The following ADGRL2 variants were observed in gnomAD, a reference collection of about 807,000 sequenced individuals.
ADGRL2 encodes the protein adhesion G protein-coupled receptor L2.
ADGRL2 carries 44 observed loss-of-function variants against 157.4 expected under a neutral mutation model. The ratio of observed to expected loss-of-function variants is 0.28; its 90% CI spans 0.22 to 0.36. ADGRL2 has a LOEUF of 0.36. Ranked by LOEUF, ADGRL2 falls within the 10% of genes least tolerant of loss-of-function variation. The pLI is 1.00. For synonymous variants in ADGRL2, 585 were observed against 624.7 expected (o/e 0.94, Z 0.95); for missense variants, 1,510 against 1,768.9 (o/e 0.85, Z 2.63).
intron 2 of ADGRL2, among the ~76,000 whole-genome samples, chr1:81,765,664 T>A (rs539847284): frequency 4.6e-5 from 7 of 152,156 alleles, no homozygotes; most frequent in African/African-American, 1.7e-4. Flanking sequence ...TCATTTCCAA[T>A]TCTGGTTGTA....
At chr1:81,490,829 T>C (rs552843461) in intron 2 of ADGRL2, among the ~76,000 whole-genome samples, 1 of 152,334 alleles carries the variant, frequency 6.6e-6, no homozygotes, top group South Asian at 2.1e-4. Context: ...TTAAAAGGCA[T>C]GCACAAGAAT....
chr1:81,481,183 A>G (rs546306297), intron 2 of ADGRL2, among the ~76,000 whole-genome samples: 3 of 152,332 alleles, frequency 2.0e-5, no homozygotes, highest in Admixed American at 2.0e-4. Flanking sequence ...ATTGTTTGTG[A>G]AAGTAATGGA....
chr1:81,323,102 C>T (rs994912325), intron 1 of ADGRL2, among the ~76,000 whole-genome samples: 2 of 152,148 alleles, frequency 1.3e-5, no homozygotes, highest in Non-Finnish European at 2.9e-5. Flanking sequence ...AAGTGATCTA[C>T]CCAACTTGGC....
At chr1:81,452,123 A>T (rs2077713987) in intron 2 of ADGRL2, among the ~76,000 whole-genome samples, 1 of 152,098 alleles carries the variant, frequency 6.6e-6, no homozygotes, top group Non-Finnish European at 1.5e-5. Context: ...TCCTGTGAAC[A>T]TACATTGTGT....
At chr1:81,557,478 GAAAGAAGAAAGAAAGA>G (rs1250200568) in intron 2 of ADGRL2, 1 of 74,308 alleles carries the variant, frequency 1.3e-5, no homozygotes, top group Admixed American at 1.6e-4. Flanking sequence ...AAGAAAGAAA[GAAAGAAGAAAGAAAGA>G]AAGAAAGAAA....
intron 1 of ADGRL2, among the ~76,000 whole-genome samples, chr1:81,745,530 A>G (rs1307805385): frequency 6.6e-6 from 1 of 152,184 alleles, no homozygotes; most frequent in Non-Finnish European, 1.5e-5. Flanking sequence ...TAAGGATTAA[A>G]TGGATCAATG....
chr1:81,637,075 C>G (rs1557525763), intron 3 of ADGRL2, among the ~76,000 whole-genome samples: 1 of 152,114 alleles, frequency 6.6e-6, no homozygotes, highest in African/African-American at 2.4e-5. Flanking sequence ...AACTCCTGAC[C>G]TCAAGTGATC....
rs2084380433 is a variant in ADGRL2, at chr1:81,722,844, G to A, written c.-143+23036G>A. 5 of 705,360 alleles carry A rather than the reference G, an allele frequency of 7.1e-6. No homozygotes were observed. In the Admixed American group the frequency reaches 7.8e-5, roughly 11 times the overall value. The allele number at this position is 705,360 out of a possible 1,614,324, so 43.7% of individuals were successfully genotyped here. A position where few individuals can be genotyped will look rare whatever the true frequency, so the allele number is the denominator to read the frequency against. ...GCTCTTTTCCAGGTGGCTTTCCTGGGGGAAATGCCTGGTAATTTTCCCAGA... is the reference window on the plus strand; with the variant it reads ...GCTCTTTTCCAGGTGGCTTTCCTGGAGGAAATGCCTGGTAATTTTCCCAGA... On this transcript the variant is annotated intron_variant, in intron 1 of 20. Coordinates refer to the ADGRL2 transcript ENST00000359929.
chr1:81,492,735 C>T (rs2078659421), intron 2 of ADGRL2, among the ~76,000 whole-genome samples: 1 of 152,154 alleles, frequency 6.6e-6, no homozygotes. Flanking sequence ...AAGTTTTAAA[C>T]AGCAAGGCAT....
chr1:81,428,660 G>A (rs1438840906), intron 1 of ADGRL2, among the ~76,000 whole-genome samples: 1 of 152,172 alleles, frequency 6.6e-6, no homozygotes, highest in Admixed American at 6.5e-5. Flanking sequence ...CTGAGGAACA[G>A]ATGATGGCCT....
intron 1 of ADGRL2, chr1:81,721,883 G>A (rs1449647828): frequency 4.0e-6 from 3 of 750,978 alleles, no homozygotes; most frequent in Non-Finnish European, 7.1e-6. Flanking sequence ...ATAGTAAGAA[G>A]GTGGAGGAAA....
chr1:81,979,685 A>G (rs967355151), intron 17 of ADGRL2, among the ~76,000 whole-genome samples, 184 bp from the exon 18 acceptor site: 17 of 151,806 alleles, frequency 1.1e-4, no homozygotes, highest in African/African-American at 4.1e-4. Flanking sequence ...ATGTCAAATG[A>G]TCTATTAAAG....
chr1:81,939,402 A>G (rs1203069451), intron 4 of ADGRL2, among the ~76,000 whole-genome samples: 1 of 151,566 alleles, frequency 6.6e-6, no homozygotes, highest in Admixed American at 6.6e-5. Context: ...TCCTGCAAGC[A>G]GGATTTGGTT....
intron 2 of ADGRL2, among the ~76,000 whole-genome samples, chr1:81,574,881 A>G (rs942497532): frequency 1.3e-5 from 2 of 152,220 alleles, no homozygotes; most frequent in African/African-American, 4.8e-5. Context: ...GAAACATTAT[A>G]TACTTTTGTC....
At chr1:81,664,036 A>G (rs897732603) in intron 3 of ADGRL2, among the ~76,000 whole-genome samples, 2 of 152,040 alleles carry the variant, frequency 1.3e-5, no homozygotes, top group East Asian at 3.9e-4. Context: ...GTATTACTAG[A>G]GGTTATAAAA....
In ADGRL2 at chr1:81,639,511, A is replaced by G. The variant is rs116515264; in HGVS notation, c.-143+58531A>G. On this transcript the variant is annotated intron_variant, in intron 3 of 24. Transcript: ENST00000370721. ...TTGAGGCCAGGGTTTCAAGATCAGT[A>G]TGGCCAATGTAGTGAGACTCCATCT... 6.0e-3 allele frequency among the ~76,000 whole-genome samples: 811 copies of G among 135,972 alleles called. 6 individuals carry two copies. The highest frequency in any genetic ancestry group is 0.021 in the African/African-American group (766 of 35,890). 89.2% of individuals were successfully genotyped at this position (135,972 alleles called of 152,430 possible).
chr1:81,567,295 C>T (rs2080584305), intron 2 of ADGRL2, among the ~76,000 whole-genome samples: 1 of 152,066 alleles, frequency 6.6e-6, no homozygotes, highest in South Asian at 2.1e-4. Flanking sequence ...GTCACACTAG[C>T]CACATTTCAA....
At chr1:81,979,762 A>T in intron 17 of ADGRL2, 107 bp from the exon 18 acceptor site, 1 of 642,894 alleles carries the variant, frequency 1.6e-6, no homozygotes, top group South Asian at 2.0e-5. Flanking sequence ...ACATAAAAAA[A>T]ATTATATCAG....
chr1:81,503,223 C>G (rs1425908415), intron 2 of ADGRL2: 6 of 1,614,096 alleles, frequency 3.7e-6, no homozygotes, highest in African/African-American at 1.3e-5. Flanking sequence ...GAGCAGAGGC[C>G]TCGGCTGCAG....
Sources: allele counts gnomAD v4.1 joint callset (sites outside exome capture counted in the v4.1 genomes callset), GRCh38; gene constraint gnomAD v4.1.1; transcripts MANE v1.5; gene names NCBI Gene and HGNC (gene_info 2026-07-23, HGNC 2026-07-21).